The following SAMMSON variants were observed in gnomAD, a reference collection of about 807,000 sequenced individuals.
The protein encoded by SAMMSON is survival associated mitochondrial melanoma specific oncogenic non-coding RNA.
intron 4 of SAMMSON, among the ~76,000 whole-genome samples, chr3:70,192,674 T>C (rs1345046008): frequency 6.6e-6 from 1 of 152,178 alleles, no homozygotes; most frequent in Non-Finnish European, 1.5e-5. Context: ...ATTTAGCAAT[T>C]AGAAATAAGG....
In SAMMSON at chr3:70,154,586, TGC is replaced by T. The variant is rs566043548; in HGVS notation, n.507+83022_507+83023del. ...TCCAGTTGTACAGTCAAATTAAGAT[TGC>T]CTGGGCTAGAGCATAGGAAAATAAT... On this transcript the variant is annotated intron_variant and non_coding_transcript_variant, in intron 4 of 9. Transcript: ENST00000642114. Among the ~76,000 whole-genome samples, 290 of 152,214 alleles carry T rather than the reference TGC, an allele frequency of 1.9e-3. 2 individuals carry two copies. The highest frequency in any genetic ancestry group is 6.8e-3 in the African/African-American group (284 of 41,570).
intron 9 of SAMMSON, among the ~76,000 whole-genome samples, chr3:70,367,187 C>G (rs931260388): frequency 2.6e-5 from 4 of 151,510 alleles, no homozygotes; most frequent in African/African-American, 9.7e-5. Context: ...TCTTTTCTTC[C>G]AACTACTTTG....
intron 4 of SAMMSON, chr3:70,140,352 G>A (rs907972933): frequency 3.2e-5 from 7 of 217,142 alleles, no homozygotes; most frequent in Admixed American, 2.7e-4. Context: ...ATGTGTAAAG[G>A]CCAGGAGTGG....
chr3:70,366,344 G>C (rs991660242), intron 9 of SAMMSON, among the ~76,000 whole-genome samples: 5 of 151,520 alleles, frequency 3.3e-5, no homozygotes, highest in African/African-American at 1.2e-4. Context: ...GGAAAACTCT[G>C]ATCTTATATT....
chr3:70,145,077 C>A (rs1305410819), intron 4 of SAMMSON, among the ~76,000 whole-genome samples: 2 of 152,096 alleles, frequency 1.3e-5, no homozygotes, highest in Non-Finnish European at 2.9e-5. Context: ...TTGCTCCCTT[C>A]TTCTTCATTC....
At chr3:70,401,261 G>A (rs1701138391) in intron 2 of SAMMSON, among the ~76,000 whole-genome samples, 1 of 149,034 alleles carries the variant, frequency 6.7e-6, no homozygotes, top group Non-Finnish European at 1.5e-5. Context: ...AATAAAGATA[G>A]AAGAGTTAAA....
intron 2 of SAMMSON, among the ~76,000 whole-genome samples, chr3:70,425,888 T>C (rs1285748974): frequency 6.6e-6 from 1 of 152,206 alleles, no homozygotes; most frequent in African/African-American, 2.4e-5. Context: ...TGGGGCCACA[T>C]GCAACAGAGA....
rs146796008 is a variant in SAMMSON, at chr3:70,006,234, G to A, written n.23-6123G>A. ...TACAGAATATGTCTTATCAGTTTGC[G>A]TAATAAAAACCTCAAATGCTAGATG... is the stretch of plus-strand genomic sequence containing the variant. On this transcript the variant is annotated intron_variant and non_coding_transcript_variant, in intron 1 of 9. Transcript: ENST00000642114. Among the ~76,000 whole-genome samples the A allele has an allele frequency of 1.7e-3, 253 of 152,268 alleles. 2 individuals carry two copies. Among genetic ancestry groups the A allele is most frequent in the African/African-American group, 5.8e-3 (241 of 41,560 alleles).
At chr3:70,328,842 A>G (rs1202639417) in intron 7 of SAMMSON, among the ~76,000 whole-genome samples, 1 of 152,176 alleles carries the variant, frequency 6.6e-6, no homozygotes, top group Non-Finnish European at 1.5e-5. Flanking sequence ...ATGCAAGCAC[A>G]AGAAGCAGAA....
intron 4 of SAMMSON, among the ~76,000 whole-genome samples, chr3:70,164,611 A>T (rs1353822106): frequency 6.6e-6 from 1 of 152,004 alleles, no homozygotes. Context: ...TAGTATGCAT[A>T]GTGTTCTGTC....
At chr3:70,327,128 G>A (rs561511449) in intron 7 of SAMMSON, among the ~76,000 whole-genome samples, 1 of 152,274 alleles carries the variant, frequency 6.6e-6, no homozygotes, top group East Asian at 1.9e-4. Flanking sequence ...AGAGTGCTGG[G>A]ATTACAGGAG....
At chr3:70,021,340 A>T (rs1214984418) in intron 3 of SAMMSON, among the ~76,000 whole-genome samples, 1 of 152,200 alleles carries the variant, frequency 6.6e-6, no homozygotes, top group African/African-American at 2.4e-5. Flanking sequence ...AGAAGCCAGT[A>T]TATGGCCTCT....
chr3:70,121,620 C>A (rs2067433382), intron 4 of SAMMSON, among the ~76,000 whole-genome samples: 1 of 152,146 alleles, frequency 6.6e-6, no homozygotes, highest in Non-Finnish European at 1.5e-5. Context: ...ATTATGTAAG[C>A]TTTTCAGTAA....
intron 3 of SAMMSON, among the ~76,000 whole-genome samples, chr3:70,060,476 G>C (rs2067183595): frequency 6.6e-6 from 1 of 152,062 alleles, no homozygotes; most frequent in Non-Finnish European, 1.5e-5. Flanking sequence ...TTTTAGTCAG[G>C]AACCAATTTT....
At chr3:70,392,724 T>C (rs534281420), downstream of SAMMSON, among the ~76,000 whole-genome samples, 3 of 152,044 alleles carry the variant, frequency 2.0e-5, no homozygotes, top group Non-Finnish European at 2.9e-5. Context: ...ATCTATAAAG[T>C]AGAAATAATG....
chr3:70,185,928 G>A (rs546520455), intron 4 of SAMMSON, among the ~76,000 whole-genome samples: 1 of 152,202 alleles, frequency 6.6e-6, no homozygotes, highest in African/African-American at 2.4e-5. Context: ...AGTGAACCAT[G>A]ACTGTGCCTC....
intron 9 of SAMMSON, among the ~76,000 whole-genome samples, chr3:70,384,385 A>C (rs1165888520): frequency 6.6e-6 from 1 of 152,042 alleles, no homozygotes; most frequent in Non-Finnish European, 1.5e-5. Flanking sequence ...CATTTATTAT[A>C]ATATAGAACA....
Position 70,204,661 on chromosome 3 carries a change from T to C in SAMMSON, n.508-44446T>C, listed in dbSNP as rs556635708. 2.0e-5 allele frequency: 3 copies of C among 152,008 alleles called. No homozygotes were observed. The South Asian group carries it at 6.2e-4, about 32-fold the overall frequency. The allele number at this position is 152,008 out of a possible 1,614,324, so 9.4% of individuals were successfully genotyped here. A position where few individuals can be genotyped will look rare whatever the true frequency, so the allele number is the denominator to read the frequency against. The stretch of plus-strand genomic sequence containing the variant: ...GAGTAGTCAGCTATTTTCTTTCTTT[T>C]TTTTTTTTTGAATGGGGCTCTTGAG... On this transcript the variant is annotated intron_variant and non_coding_transcript_variant, in intron 4 of 9. Coordinates refer to ENST00000642114, the Ensembl canonical transcript of SAMMSON.
intron 4 of SAMMSON, among the ~76,000 whole-genome samples, chr3:70,089,587 A>T (rs2067298275): frequency 6.6e-6 from 1 of 151,966 alleles, no homozygotes; most frequent in Non-Finnish European, 1.5e-5. Context: ...TCCCAGCAGG[A>T]CCAGTCACCA....
Sources: gnomAD v4.1 joint callset for allele counts (sites outside exome capture counted in the v4.1 genomes callset) on GRCh38, gnomAD v4.1.1 for gene constraint, MANE v1.5 for transcripts, NCBI Gene and HGNC (gene_info 2026-07-23, HGNC 2026-07-21) for gene names.